DCAF6: variants seen among roughly 807,000 people sequenced by gnomAD.
DCAF6 encodes the protein DDB1 and CUL4 associated factor 6, also known as DDB1- and CUL4-associated factor 6.
Under a neutral mutation model 125.1 loss-of-function variants are expected in DCAF6, and 54 were observed. The ratio of observed to expected loss-of-function variants is 0.43; its 90% CI spans 0.35 to 0.54. DCAF6 has a LOEUF of 0.54. Among genes scored for constraint, DCAF6 ranks in the 20% least tolerant of loss-of-function variants. DCAF6 has a pLI of 0.01. For missense variants in DCAF6, 934 were observed against 1,161.7 expected (o/e 0.80, Z 2.85); for synonymous variants, 371 against 390.4 (o/e 0.95, Z 0.58).
At chr1:167,909,258 A>T in the DCAF6 span, among the ~76,000 whole-genome samples, 1 of 152,200 alleles carries the variant, frequency 6.6e-6, no homozygotes, top group African/African-American at 2.4e-5. Flanking sequence ...GATGGAATAT[A>T]CCACAAAACA....
At chr1:168,055,334 T>TTG (rs1690514821) in intron 17 of DCAF6, among the ~76,000 whole-genome samples, 2 of 17,736 alleles carry the variant, frequency 1.1e-4, no homozygotes, top group Non-Finnish European at 2.0e-4. Context: ...GGCTTAAGTT[T>TTG]TTTTTTTTTT....
At chr1:167,958,222 G>A (rs1464587030) in intron 2 of DCAF6, among the ~76,000 whole-genome samples, 1 of 151,994 alleles carries the variant, frequency 6.6e-6, no homozygotes, top group Admixed American at 6.6e-5. Context: ...ATCACTGGTC[G>A]TGAAGATTTA....
chr1:167,975,010 TATG>T lies in DCAF6; in HGVS notation c.435_437del (p.Tyr145_Glu146delinsTer). Reference sequence around the variant, plus strand: ...ATTTACGTGTCATTATGGAACTACTTATGAGGTATGGTATTATTATGATTATAT... The same window carrying T: ...ATTTACGTGTCATTATGGAACTACTTAGGTATGGTATTATTATGATTATAT... On this transcript the variant is annotated stop_gained and inframe_deletion and splice_region_variant, in exon 4 of 22. Coordinates refer to ENST00000367840, the MANE Select transcript of DCAF6 (RefSeq NM_001198956.2). LOFTEE classifies it high-confidence loss of function. The T allele has an allele frequency of 6.3e-7, 1 of 1,586,236 alleles. No individual in the cohort carries two copies. Among genetic ancestry groups the T allele is most frequent in the Non-Finnish European group, 8.6e-7 (1 of 1,166,462 alleles).
intron 2 of DCAF6, among the ~76,000 whole-genome samples, chr1:167,954,302 G>C (rs73026108): frequency 0.1 from 15,717 of 151,682 alleles, 904 homozygotes; most frequent in African/African-American, 0.14. Context: ...CCACTCTGTA[G>C]TTTTCAAGGT....
At chr1:168,008,993 T>G (rs565086766) in intron 10 of DCAF6, among the ~76,000 whole-genome samples, 2 of 148,908 alleles carry the variant, frequency 1.3e-5, no homozygotes, top group Non-Finnish European at 3.0e-5. Context: ...TCTCCTTCCT[T>G]CCTTTCTTTC....
chr1:167,904,952 G>A, the DCAF6 span: 2 of 1,614,006 alleles, frequency 1.2e-6, no homozygotes, highest in African/African-American at 1.3e-5. Context: ...ACGCGAGCCT[G>A]TTGCTCATCC....
intron 21 of DCAF6, 112 bp downstream of exon 21, chr1:168,068,575 G>A: frequency 6.2e-6 from 3 of 485,440 alleles, no homozygotes; most frequent in Non-Finnish European, 9.7e-6. Flanking sequence ...CAAAATGAGG[G>A]TAGCTTAACT....
At chr1:167,992,889 G>A (rs756923966) in intron 6 of DCAF6, among the ~76,000 whole-genome samples, 1 of 152,078 alleles carries the variant, frequency 6.6e-6, no homozygotes, top group Non-Finnish European at 1.5e-5. Context: ...GTAAAAATTT[G>A]TTATCTTAAT....
intron 12 of DCAF6, among the ~76,000 whole-genome samples, chr1:168,037,867 A>C (rs934120500): frequency 6.6e-6 from 1 of 152,168 alleles, no homozygotes; most frequent in Non-Finnish European, 1.5e-5. Context: ...TCCTCCCTAA[A>C]TTATAGATCT....
rs552208317 is a variant in DCAF6, at chr1:167,967,714, C to CTTTTT, written c.252+1015_252+1019dup. Among the ~76,000 whole-genome samples, 105 of 74,582 alleles carry CTTTTT rather than the reference C, an allele frequency of 1.4e-3. 9 individuals carry two copies. Among genetic ancestry groups the CTTTTT allele is most frequent in the African/African-American group, 5.1e-3 (96 of 18,986 alleles). 48.9% of individuals were successfully genotyped at this position (74,582 alleles called of 152,430 possible). On this transcript the variant is annotated intron_variant, in intron 3 of 21. Coordinates refer to ENST00000367840, the MANE Select transcript of DCAF6 (RefSeq NM_001198956.2). ...CCTGATTGTCTTAAATTTCCTGTAT[C>CTTTTT]TTTTTTTTTTTTTTTTTTTTTTTTT...
intron 10 of DCAF6, among the ~76,000 whole-genome samples, chr1:168,006,306 GTGA>G (rs1323125448): frequency 6.6e-6 from 1 of 152,114 alleles, no homozygotes; most frequent in Non-Finnish European, 1.5e-5. Context: ...TGGTGGTCAT[GTGA>G]TGATTATTGA....
At chr1:167,872,083 T>G in the DCAF6 span, among the ~76,000 whole-genome samples, 1 of 152,156 alleles carries the variant, frequency 6.6e-6, no homozygotes, top group African/African-American at 2.4e-5. Flanking sequence ...GGCTCACGCC[T>G]GTAATCCCAG....
At chr1:167,896,321 A>C in the DCAF6 span, among the ~76,000 whole-genome samples, 1 of 152,214 alleles carries the variant, frequency 6.6e-6, no homozygotes, top group East Asian at 1.9e-4. Flanking sequence ...GCACGGAAAG[A>C]AGCTTTACTT....
At chr1:168,019,385 A>C (rs766128549) in intron 11 of DCAF6, among the ~76,000 whole-genome samples, 1 of 152,208 alleles carries the variant, frequency 6.6e-6, no homozygotes, top group African/African-American at 2.4e-5. Flanking sequence ...GTTGTTTGCT[A>C]CTTAAAAATG....
chr1:168,018,680 C>G (rs1027137767), intron 11 of DCAF6, among the ~76,000 whole-genome samples: 6 of 152,124 alleles, frequency 3.9e-5, no homozygotes, highest in Non-Finnish European at 7.4e-5. Context: ...AAAAGTATAT[C>G]TTTTCTAGGA....
chr1:167,928,114 C>T, the DCAF6 span, among the ~76,000 whole-genome samples: 1 of 152,014 alleles, frequency 6.6e-6, no homozygotes, highest in Non-Finnish European at 1.5e-5. Context: ...TTTGTGAGGC[C>T]GAGATGGGCG....
intron 11 of DCAF6, among the ~76,000 whole-genome samples, chr1:168,017,789 G>GC (rs1685173452): frequency 6.6e-6 from 1 of 151,962 alleles, no homozygotes. Context: ...ACCAAAATTA[G>GC]CCTCCTAGAT....
chr1:167,968,416 G>A (rs1676783028), intron 3 of DCAF6: 1 of 152,386 alleles, frequency 6.6e-6, no homozygotes, highest in African/African-American at 2.4e-5. Context: ...GGATGGCAGG[G>A]AAGTCTCTGT....
intron 2 of DCAF6, among the ~76,000 whole-genome samples, chr1:167,953,960 T>C (rs1439376087): frequency 3.9e-5 from 6 of 152,170 alleles, no homozygotes; most frequent in African/African-American, 1.4e-4. Flanking sequence ...ATTGGTGATC[T>C]GAGTGGATAC....
Sources: gnomAD v4.1 joint callset for allele counts (sites outside exome capture counted in the v4.1 genomes callset) on GRCh38, gnomAD v4.1.1 for gene constraint, MANE v1.5 for transcripts, NCBI Gene and HGNC (gene_info 2026-07-23, HGNC 2026-07-21) for gene names.